ERC1: variants seen among roughly 807,000 people sequenced by gnomAD.
The protein encoded by ERC1 is RAB6 interacting protein 2.
ERC1 carries 56 observed loss-of-function variants against 132.0 expected under a neutral mutation model. The observed-to-expected ratio is 0.42, with a 90% CI of 0.34 to 0.53. The LOEUF (loss-of-function observed/expected upper bound fraction) is 0.53. Ranked by LOEUF, ERC1 falls within the 20% of genes least tolerant of loss-of-function variation. ERC1 has a pLI of 0.03. For missense variants in ERC1, 1,202 were observed against 1,349.9 expected (o/e 0.89, Z 1.72); for synonymous variants, 478 against 476.1 (o/e 1.00, Z -0.05).
intron 1 of ERC1, among the ~76,000 whole-genome samples, chr12:1,005,230 C>T (rs1346763667): frequency 6.6e-6 from 1 of 152,034 alleles, no homozygotes; most frequent in Non-Finnish European, 1.5e-5. Context: ...TGGCTTACTA[C>T]AGCCTCGACC....
chr12:1,377,115 G>A (rs888483520), intron 16 of ERC1, among the ~76,000 whole-genome samples: 19 of 152,190 alleles, frequency 1.2e-4, no homozygotes, highest in African/African-American at 4.6e-4. Flanking sequence ...AGTTCTTGAT[G>A]GGAAGAGTAT....
chr12:1,022,299 T>C (rs543721089), intron 1 of ERC1, among the ~76,000 whole-genome samples: 12 of 152,354 alleles, frequency 7.9e-5, no homozygotes, highest in African/African-American at 2.9e-4. Flanking sequence ...ACAATACTGT[T>C]ATCTCTTGTT....
At chr12:1,141,884 A>AT in intron 8 of ERC1, 97 bp downstream of exon 8, 1 of 1,011,168 alleles carries the variant, frequency 9.9e-7, no homozygotes, top group African/African-American at 1.6e-5. Context: ...TTTCTTGCTC[A>AT]TTTTTCAGTT....
At chr12:1,096,071 T>C (rs1943995604) in intron 3 of ERC1, among the ~76,000 whole-genome samples, 1 of 151,910 alleles carries the variant, frequency 6.6e-6, no homozygotes, top group African/African-American at 2.4e-5. Flanking sequence ...GGACTACACA[T>C]GAGCACCACC....
intron 1 of ERC1, among the ~76,000 whole-genome samples, chr12:1,007,474 C>CTT (rs1963854593): frequency 6.7e-6 from 1 of 150,298 alleles, no homozygotes; most frequent in Non-Finnish European, 1.5e-5. Context: ...CTCTCTCTCT[C>CTT]TCTCTCTCTC....
At chr12:1,119,725 T>C (rs946470810) in intron 7 of ERC1, among the ~76,000 whole-genome samples, 4 of 152,102 alleles carry the variant, frequency 2.6e-5, no homozygotes, top group Non-Finnish European at 4.4e-5. Context: ...TAATTCTGTA[T>C]TTTTAGTAGA....
Position 1,493,619 on chromosome 12 carries a change from AC to A in ERC1, c.*3391del, listed in dbSNP as rs1439708543. 8.6e-6 allele frequency: 1 copy of A among 115,802 alleles called. No homozygotes were observed. Among genetic ancestry groups the A allele is most frequent in the African/African-American group, 3.2e-5 (1 of 31,716 alleles). 7.2% of individuals were successfully genotyped at this position (115,802 alleles called of 1,614,324 possible). On this transcript the variant is annotated 3_prime_UTR_variant, in exon 19 of 19. Transcript: ENST00000360905. ...AATTCATCTCAGCTCTAACCTTTTAACCTTTGTCCTTGCACTTTACAATCTA... is the reference window on the plus strand; with the variant it reads ...AATTCATCTCAGCTCTAACCTTTTAACTTTGTCCTTGCACTTTACAATCTA...
intron 7 of ERC1, among the ~76,000 whole-genome samples, chr12:1,119,513 G>T (rs1052104371): frequency 4.2e-3 from 4 of 952 alleles, no homozygotes; most frequent in South Asian, 0.083. Context: ...CTTCTTCTTT[G>T]TGTGTGTGTG....
At chr12:1,276,229 CTTTTTCTTTTTCTT>C (rs2078252957) in intron 14 of ERC1, among the ~76,000 whole-genome samples, 3 of 89,418 alleles carry the variant, frequency 3.4e-5, no homozygotes, top group Non-Finnish European at 3.0e-5. Context: ...TTTTGTTTTT[CTTTTTCTTTTTCTT>C]TTTTTTTTTT....
chr12:1,308,282 A>T (rs1237357299), intron 15 of ERC1, among the ~76,000 whole-genome samples: 1 of 152,112 alleles, frequency 6.6e-6, no homozygotes, highest in Admixed American at 6.6e-5. Flanking sequence ...TATGAATCCC[A>T]GAGTATTGCA....
chr12:1,490,335 T>TCCCAACCAAACA lies in ERC1; in HGVS notation c.*106_*107insCCAACCAAACAC. 9.2e-7 allele frequency: 1 copy of TCCCAACCAAACA among 1,090,514 alleles called. No individual in the cohort carries two copies. Among genetic ancestry groups the TCCCAACCAAACA allele is most frequent in the South Asian group, 1.6e-5 (1 of 64,024 alleles). The allele number at this position is 1,090,514 out of a possible 1,614,324, so 67.6% of individuals were successfully genotyped here. A position where few individuals can be genotyped will look rare whatever the true frequency, so the allele number is the denominator to read the frequency against. On this transcript the variant is annotated 3_prime_UTR_variant, in exon 19 of 19. Coordinates refer to ENST00000360905, the MANE Select transcript of ERC1 (RefSeq NM_178040.4). The stretch of plus-strand genomic sequence containing the variant: ...TTCTTGGCACCAAACACTACAAACT[T>TCCCAACCAAACA]CATCCCAACTTGCTCACTTGAAGAA...
At chr12:1,408,298 G>C in intron 17 of ERC1, 51 bp downstream of exon 17, 2 of 1,405,482 alleles carry the variant, frequency 1.4e-6, no homozygotes, top group Non-Finnish European at 2.0e-6. Flanking sequence ...CTTAAATTTT[G>C]AAATGTTTTT....
chr12:1,393,607 CGTGTGTGT>C (rs34533745), intron 16 of ERC1, among the ~76,000 whole-genome samples: 20,828 of 140,080 alleles, frequency 0.15, 2,221 homozygotes, highest in African/African-American at 0.3. Context: ...AGAGAACACA[CGTGTGTGT>C]GTGTGTGTGT....
chr12:1,335,569 C>T (rs1184585620), intron 15 of ERC1, among the ~76,000 whole-genome samples: 2 of 152,078 alleles, frequency 1.3e-5, no homozygotes, highest in Non-Finnish European at 2.9e-5. Flanking sequence ...ATCGTAGAGA[C>T]AAAGCCTACT....
intron 12 of ERC1, chr12:1,204,379 C>G: frequency 4.1e-6 from 3 of 729,392 alleles, no homozygotes; most frequent in African/African-American, 1.7e-5. Context: ...ATTTGTGACT[C>G]CTTCCCTTCT....
intron 3 of ERC1, among the ~76,000 whole-genome samples, chr12:1,083,970 A>T (rs1335672631): frequency 6.6e-6 from 1 of 152,224 alleles, no homozygotes; most frequent in African/African-American, 2.4e-5. Context: ...AAAAGAGAGT[A>T]AGCGGTTATC....
chr12:1,159,301 A>G lies in ERC1; in HGVS notation c.1737+17514A>G, dbSNP rs150333572. ...ACTGTCCCACGTCAGATCATCAGGC[A>G]TTAGGATCTCATAAGAAACATGCCA... On this transcript the variant is annotated intron_variant, in intron 8 of 18. Coordinates refer to ENST00000360905, the MANE Select transcript of ERC1 (RefSeq NM_178040.4). Among the ~76,000 whole-genome samples the G allele has an allele frequency of 9.8e-4, 150 of 152,286 alleles. 1 individual carries two copies. The highest frequency in any genetic ancestry group is 3.5e-3 in the African/African-American group (144 of 41,562).
chr12:1,178,230 A>G (rs916231499), intron 8 of ERC1, among the ~76,000 whole-genome samples: 2 of 152,216 alleles, frequency 1.3e-5, no homozygotes, highest in Non-Finnish European at 2.9e-5. Flanking sequence ...TTATTAATGT[A>G]AGAAACTACC....
At chr12:1,388,702 C>G (rs2089659991) in intron 16 of ERC1, among the ~76,000 whole-genome samples, 1 of 152,088 alleles carries the variant, frequency 6.6e-6, no homozygotes, top group Non-Finnish European at 1.5e-5. Context: ...TTAAGGGGAG[C>G]CTGGAGTAAG....
Sources: gnomAD v4.1 joint callset for allele counts (sites outside exome capture counted in the v4.1 genomes callset) on GRCh38, gnomAD v4.1.1 for gene constraint, MANE v1.5 for transcripts, NCBI Gene and HGNC (gene_info 2026-07-23, HGNC 2026-07-21) for gene names.